The following SYNE1 variants were observed in gnomAD, a reference collection of about 807,000 sequenced individuals.
The protein encoded by SYNE1 is nesprin-1.
In SYNE1, 616 loss-of-function variants were observed where a neutral mutation model predicts 1,111.0. That is an observed-to-expected ratio of 0.55 (90% CI 0.52 to 0.59). The LOEUF is 0.59. SYNE1 is among the 20% of genes least tolerant of loss of function. The pLI is 0.00. For missense variants in SYNE1, 10,006 were observed against 10,417.0 expected (o/e 0.96, Z 1.72); for synonymous variants, 3,855 against 3,825.8 (o/e 1.01, Z -0.28).
chr6:152,587,066 G>C (rs1157971192), intron 3 of SYNE1, among the ~76,000 whole-genome samples: 1 of 152,134 alleles, frequency 6.6e-6, no homozygotes, highest in African/African-American at 2.4e-5. Context: ...CTTATCTTTA[G>C]AGAAGTCCAT....
At chr6:152,364,501 T>C (rs2097016418) in intron 63 of SYNE1, among the ~76,000 whole-genome samples, 1 of 151,624 alleles carries the variant, frequency 6.6e-6, no homozygotes, top group Non-Finnish European at 1.5e-5. Context: ...AAAAGAAACA[T>C]GCATTTTTAG....
intron 72 of SYNE1, among the ~76,000 whole-genome samples, chr6:152,349,686 ATGGTTTGGC>A (rs1487093842): frequency 6.6e-6 from 1 of 152,186 alleles, no homozygotes; most frequent in Admixed American, 6.5e-5. Context: ...AGACCTTCAT[ATGGTTTGGC>A]TGTCTCCCCA....
chr6:152,354,097 A>T (rs1296514935), intron 67 of SYNE1, among the ~76,000 whole-genome samples: 1 of 152,106 alleles, frequency 6.6e-6, no homozygotes, highest in African/African-American at 2.4e-5. Context: ...CTGAGACCGC[A>T]CCACTGCACT....
At position 152,540,012 on chromosome 6, in the gene SYNE1, T is replaced by A. The variant is rs1488280760; in HGVS notation, c.77A>T (p.Glu26Val). Residue 26 changes from glutamate to valine, a missense_variant, in exon 4 of 146, where the codon GAG becomes GTG. Coordinates refer to ENST00000367255, the MANE Select transcript of SYNE1 (RefSeq NM_182961.4). The part of the protein sequence containing the change: ...NVMQRLQDEQ[E>V]IVQKRTFTKW... ...TGTGAAAGTTCGTTTTTGTACTATC[T>A]CTTGCTCATCTAGAAGGAAAAAGAA... 6 of 1,613,904 alleles carry A rather than the reference T, an allele frequency of 3.7e-6. No homozygotes were observed. The highest frequency in any genetic ancestry group is 5.1e-6 in the Non-Finnish European group (6 of 1,179,870).
At chr6:152,452,850 C>A (rs536593547) in intron 25 of SYNE1, among the ~76,000 whole-genome samples, 2 of 152,298 alleles carry the variant, frequency 1.3e-5, no homozygotes, top group Non-Finnish European at 2.9e-5. Context: ...CCGCGGGCCC[C>A]CGTGTCCCGC....
chr6:152,232,055 A>T, intron 113 of SYNE1, 61 bp downstream of exon 113: 1 of 1,291,382 alleles, frequency 7.7e-7, no homozygotes, highest in Non-Finnish European at 1.1e-6. Context: ...TGAGTTTTTT[A>T]GTTCTTTCAA....
At chr6:152,404,087 G>T in intron 46 of SYNE1, 126 bp downstream of exon 46, 1 of 537,052 alleles carries the variant, frequency 1.9e-6, no homozygotes. Flanking sequence ...AGATATATAC[G>T]AGATATAGAT....
In SYNE1 at chr6:152,371,860, A is replaced by C. The variant is rs1490679212; in HGVS notation, c.9507+1177T>G. On this transcript the variant is annotated intron_variant, in intron 59 of 145. Transcript: ENST00000367255. ...CAGGACAGGACAGGAAAGGAAAGGA[A>C]AGGAAAGGAAAGGAAAGGAAAGGAA... is the stretch of plus-strand genomic sequence containing the variant. 7.0e-3 allele frequency among the ~76,000 whole-genome samples: 89 copies of C among 12,676 alleles called. 1 individual carries two copies. Among genetic ancestry groups the C allele is most frequent in the East Asian group, 0.046 (20 of 434 alleles). 8.3% of individuals were successfully genotyped at this position (12,676 alleles called of 152,430 possible). A position where few individuals can be genotyped will look rare whatever the true frequency, so the allele number is the denominator to read the frequency against.
intron 3 of SYNE1, among the ~76,000 whole-genome samples, chr6:152,558,024 T>C (rs945709087): frequency 6.6e-6 from 1 of 152,070 alleles, no homozygotes; most frequent in Non-Finnish European, 1.5e-5. Flanking sequence ...GGGTACACAA[T>C]ATAAAAAGAT....
At chr6:152,388,253 CTT>C (rs71556256) in intron 53 of SYNE1, among the ~76,000 whole-genome samples, 1 of 144,370 alleles carries the variant, frequency 6.9e-6, no homozygotes. Context: ...CACCCCCCGC[CTT>C]TTTTTTTTTT....
chr6:152,505,447 G>A (rs2099052614), intron 8 of SYNE1, 50 bp from the exon 9 acceptor site: 2 of 1,595,888 alleles, frequency 1.3e-6, no homozygotes, highest in East Asian at 2.2e-5. Flanking sequence ...ATAGATACAA[G>A]CACTTTCTTC....
chr6:152,188,540 T>C (rs1173880163), intron 128 of SYNE1, among the ~76,000 whole-genome samples: 2 of 152,198 alleles, frequency 1.3e-5, no homozygotes, highest in African/African-American at 4.8e-5. Flanking sequence ...AAATATTCCC[T>C]GAACAAAACC....
chr6:152,221,285 C>A, intron 118 of SYNE1, 141 bp downstream of exon 118: 1 of 1,204,496 alleles, frequency 8.3e-7, no homozygotes, highest in Non-Finnish European at 1.2e-6. Context: ...ATTTATTTAT[C>A]CTTAAATTCA....
Position 152,143,530 on chromosome 6 carries a change from A to G in SYNE1, c.25119+93T>C. On this transcript the variant is annotated intron_variant, in intron 138 of 145. Coordinates refer to ENST00000367255, the MANE Select transcript of SYNE1 (RefSeq NM_182961.4). ...TTCAAGGGCAGCATGGTATTCAGAGACCACATAAAGCCCTGATGCTGCAGA... is the reference window on the plus strand; with the variant it reads ...TTCAAGGGCAGCATGGTATTCAGAGGCCACATAAAGCCCTGATGCTGCAGA... The G allele has an allele frequency of 1.9e-6, 3 of 1,570,624 alleles. No homozygotes were observed. The African/African-American group carries it at 4.0e-5, about 21-fold the overall frequency.
intron 11 of SYNE1, among the ~76,000 whole-genome samples, chr6:152,494,417 T>C (rs1411469305): frequency 6.6e-6 from 1 of 152,126 alleles, no homozygotes. Flanking sequence ...TCCCCATATT[T>C]CCTTCTTTCC....
chr6:152,433,790 G>A lies in SYNE1; in HGVS notation c.4461+5C>T. 1 of 1,613,610 alleles carries A rather than the reference G, an allele frequency of 6.2e-7. No individual in the cohort carries two copies. The highest frequency in any genetic ancestry group is 8.5e-7 in the Non-Finnish European group (1 of 1,179,640). On this transcript the variant is annotated splice_donor_5th_base_variant and intron_variant, in intron 34 of 145. Coordinates refer to ENST00000367255, the MANE Select transcript of SYNE1 (RefSeq NM_182961.4). ...GATTATAAATATAATGTGTGAGCAG[G>A]TCACCTTAATTTGGCTGATTTGCAT...
In SYNE1 at chr6:152,321,779, G is replaced by A. The variant is rs202105931; in HGVS notation, c.16025C>T (p.Thr5342Met). Reference sequence around the variant, plus strand: ...TGTTGGATTCCCTAAATATTCTTTCGTTTCCTGAACCCAACATTTCACAGA... The same window carrying A: ...TGTTGGATTCCCTAAATATTCTTTCATTTCCTGAACCCAACATTTCACAGA... The part of the protein sequence containing the change: ...INSVKCWVQE[T>M]KEYLGNPTIE... Residue 5342 changes from threonine to methionine, a missense_variant, in exon 83 of 146, where the codon ACG becomes ATG. This residue lies in a region of SYNE1 where 4,955 missense variants were observed against 5,017.2 expected (regional missense o/e 0.99). Transcript: ENST00000367255. 3.2e-5 allele frequency: 52 copies of A among 1,613,686 alleles called. No homozygotes were observed. In the East Asian group the frequency reaches 5.1e-4, roughly 16 times the overall value.
At chr6:152,258,954 A>T (rs183299637) in intron 101 of SYNE1, among the ~76,000 whole-genome samples, 63 of 152,226 alleles carry the variant, frequency 4.1e-4, no homozygotes, top group African/African-American at 1.3e-3. Context: ...CATGTTGGCC[A>T]GGCTGGTCTT....
At chr6:152,398,849 G>T in intron 48 of SYNE1, 118 bp from the exon 49 acceptor site, 1 of 696,738 alleles carries the variant, frequency 1.4e-6, no homozygotes, top group Non-Finnish European at 2.5e-6. Flanking sequence ...ATCTCCTCTT[G>T]CCTTACAAAA....
Sources: allele counts gnomAD v4.1 joint callset (sites outside exome capture counted in the v4.1 genomes callset), GRCh38; gene constraint gnomAD v4.1.1; regional missense constraint gnomAD v4.1.1; transcripts MANE v1.5; gene names NCBI Gene and HGNC (gene_info 2026-07-23, HGNC 2026-07-21).